The following STARD13 variants were observed in gnomAD, a reference collection of about 807,000 sequenced individuals.
STARD13 encodes StAR related lipid transfer domain containing 13.
STARD13 carries 62 observed loss-of-function variants against 106.4 expected under a neutral mutation model. The observed-to-expected ratio is 0.58, with a 90% confidence interval of 0.48 to 0.72. STARD13 has a LOEUF of 0.72. Among genes scored for constraint, STARD13 ranks in the 30% least tolerant of loss-of-function variants. The pLI is 0.00. For synonymous variants in STARD13, 565 were observed against 553.0 expected, an observed-to-expected ratio of 1.02 and a Z score of -0.31; for missense variants, 1,387 against 1,424.0, an observed-to-expected ratio of 0.97 and a Z score of 0.42.
chr13:33,629,955 TA>T, the STARD13 span, among the ~76,000 whole-genome samples: 1 of 152,172 alleles, frequency 6.6e-6, no homozygotes, highest in East Asian at 1.9e-4. Context: ...TTTATGAATA[TA>T]AAAAAATAAA....
intron 3 of STARD13, among the ~76,000 whole-genome samples, chr13:33,145,928 T>C (rs1198560992): frequency 6.6e-6 from 1 of 152,178 alleles, no homozygotes; most frequent in Non-Finnish European, 1.5e-5. Flanking sequence ...CTCATGCCTG[T>C]CATCCCAGAA....
chr13:33,499,600 CTTCTTTCTT>C, the STARD13 span, among the ~76,000 whole-genome samples: 33 of 65,826 alleles, frequency 5.0e-4, no homozygotes, highest in Non-Finnish European at 6.4e-4. Flanking sequence ...TCTTCTTCTT[CTTCTTTCTT>C]CTTCTTCTTC....
At chr13:33,199,117 T>C (rs983631697) in intron 1 of STARD13, among the ~76,000 whole-genome samples, 1 of 152,238 alleles carries the variant, frequency 6.6e-6, no homozygotes, top group Non-Finnish European at 1.5e-5. Flanking sequence ...TTTCCTACTT[T>C]ACCTTCTACT....
chr13:33,578,232 A>C, the STARD13 span, among the ~76,000 whole-genome samples: 1 of 152,156 alleles, frequency 6.6e-6, no homozygotes, highest in African/African-American at 2.4e-5. Flanking sequence ...GAGGCATCAC[A>C]TCACCAGACT....
the STARD13 span, among the ~76,000 whole-genome samples, chr13:33,592,114 C>A: frequency 6.6e-6 from 1 of 152,042 alleles, no homozygotes; most frequent in African/African-American, 2.4e-5. Flanking sequence ...TTCTTCAAAA[C>A]GCAATTAGAA....
At chr13:33,368,838 AG>A in the STARD13 span, among the ~76,000 whole-genome samples, 2 of 152,138 alleles carry the variant, frequency 1.3e-5, no homozygotes, top group African/African-American at 4.8e-5. Context: ...TTAGGCAGGC[AG>A]GAGTTTCCGG....
intron 1 of STARD13, among the ~76,000 whole-genome samples, chr13:33,225,903 CAT>C (rs1314107194): frequency 1.3e-5 from 2 of 152,184 alleles, no homozygotes; most frequent in Non-Finnish European, 2.9e-5. Flanking sequence ...TCCTCAAATT[CAT>C]ATGTTAAAGC....
At chr13:33,541,525 A>G in the STARD13 span, among the ~76,000 whole-genome samples, 1 of 152,208 alleles carries the variant, frequency 6.6e-6, no homozygotes, top group Admixed American at 6.5e-5. Context: ...AACTACCCAG[A>G]CTATCAAACG....
Position 33,106,865 on chromosome 13 carries a change from G to A in STARD13, c.3117C>T (p.Ala1039=). The change falls in exon 13 of 14, where the codon GCC becomes GCT. Residue 1039 remains alanine (A), a synonymous_variant. Transcript: ENST00000336934. ...LVSLSVEHEE[A]QLLGGVRAVV... The stretch of plus-strand genomic sequence containing the variant: ...CTGCTCGCACACCACCCAGGAGCTG[G>A]GCTTCCTCATGCTCCACGGAGAGGG... 6.2e-7 allele frequency: 1 copy of A among 1,614,144 alleles called. No homozygotes were observed.
chr13:33,447,435 T>C, the STARD13 span, among the ~76,000 whole-genome samples: 2 of 152,204 alleles, frequency 1.3e-5, no homozygotes, highest in Non-Finnish European at 2.9e-5. Flanking sequence ...GCTTCCCTTT[T>C]CCTACTTGCT....
intron 4 of STARD13, among the ~76,000 whole-genome samples, chr13:33,140,690 C>G (rs868636103): frequency 6.6e-6 from 1 of 151,810 alleles, no homozygotes; most frequent in Middle Eastern, 3.4e-3. Context: ...GATTAGGTTA[C>G]TAAGGGGTAA....
chr13:33,518,772 T>G, the STARD13 span, among the ~76,000 whole-genome samples: 9 of 152,098 alleles, frequency 5.9e-5, no homozygotes, highest in Admixed American at 4.6e-4. Context: ...TGGCCAGAAT[T>G]CACAGTCACT....
At chr13:33,594,000 G>A in the STARD13 span, among the ~76,000 whole-genome samples, 14 of 152,026 alleles carry the variant, frequency 9.2e-5, no homozygotes, top group African/African-American at 1.9e-4. Context: ...TCTGTCTCCC[G>A]GGTTCACGCC....
the STARD13 span, among the ~76,000 whole-genome samples, chr13:33,394,117 G>C: frequency 2.7e-4 from 41 of 152,044 alleles, no homozygotes; most frequent in Middle Eastern, 3.4e-3. Context: ...CATCCTGAAA[G>C]ATTAGAAAAA....
intron 1 of STARD13, among the ~76,000 whole-genome samples, chr13:33,320,736 G>A (rs1566137644): frequency 6.6e-6 from 1 of 152,172 alleles, no homozygotes; most frequent in Non-Finnish European, 1.5e-5. Flanking sequence ...ACTGGATACT[G>A]AGGAGGGGAG....
chr13:33,339,430 G>A (rs2077934730), intron 1 of STARD13, among the ~76,000 whole-genome samples: 1 of 152,184 alleles, frequency 6.6e-6, no homozygotes, highest in African/African-American at 2.4e-5. Context: ...CTGTAGTTGT[G>A]ACAAATATTT....
At chr13:33,363,552 C>G in the STARD13 span, among the ~76,000 whole-genome samples, 1 of 152,198 alleles carries the variant, frequency 6.6e-6, no homozygotes, top group East Asian at 1.9e-4. Flanking sequence ...CACTTTCTTC[C>G]TCTTACCCTC....
chr13:33,235,195 G>A (rs1051215808), intron 1 of STARD13, among the ~76,000 whole-genome samples: 3 of 152,158 alleles, frequency 2.0e-5, no homozygotes, highest in African/African-American at 7.2e-5. Context: ...AGGCTCACAA[G>A]CAACACTGGA....
At chr13:33,469,991 G>T in the STARD13 span, among the ~76,000 whole-genome samples, 2 of 152,124 alleles carry the variant, frequency 1.3e-5, no homozygotes, top group African/African-American at 4.8e-5. Context: ...TGCCATGGTG[G>T]TTTGCTGCAC....
Sources: gnomAD v4.1 joint callset for allele counts (sites outside exome capture counted in the v4.1 genomes callset) on GRCh38, gnomAD v4.1.1 for gene constraint, MANE v1.5 for transcripts, NCBI Gene and HGNC (gene_info 2026-07-23, HGNC 2026-07-21) for gene names.